Variants in ABI3BP observed in about 807,000 individuals in gnomAD.
ABI3BP encodes ABI family member 3 binding protein.
Under a neutral mutation model 268.6 loss-of-function variants are expected in ABI3BP, and 216 were observed. The ratio of observed to expected loss-of-function variants is 0.80; its 90% CI spans 0.72 to 0.90. The LOEUF is 0.90. Ranked by LOEUF, ABI3BP falls within the 40% of genes least tolerant of loss-of-function variation. ABI3BP has a pLI of 0.00. For synonymous variants in ABI3BP, 730 were observed against 730.0 expected, an observed-to-expected ratio of 1.00 and a Z score of 0.00; for missense variants, 2,090 against 2,182.4, an observed-to-expected ratio of 0.96 and a Z score of 0.84.
chr3:100,983,432 C>T (rs1198862785), intron 1 of ABI3BP, among the ~76,000 whole-genome samples: 1 of 152,198 alleles, frequency 6.6e-6, no homozygotes, highest in Non-Finnish European at 1.5e-5. Flanking sequence ...TGCATATTTA[C>T]TTAACTCCTA....
chr3:100,923,716 A>T (rs775760060), intron 2 of ABI3BP, among the ~76,000 whole-genome samples: 1 of 152,232 alleles, frequency 6.6e-6, no homozygotes, highest in Non-Finnish European at 1.5e-5. Flanking sequence ...ATGGAAAATT[A>T]AAAAGCAGAT....
intron 1 of ABI3BP, among the ~76,000 whole-genome samples, chr3:100,980,241 C>CT (rs1487595362): frequency 4.0e-5 from 6 of 151,718 alleles, no homozygotes; most frequent in East Asian, 1.9e-4. Context: ...TTTCTTTTTT[C>CT]TTTTTTTTGA....
Position 100,852,108 on chromosome 3 carries a change from C to T in ABI3BP, c.1286-168G>A, listed in dbSNP as rs114324803. 3.4e-3 allele frequency among the ~76,000 whole-genome samples: 516 copies of T among 152,250 alleles called. 5 individuals carry two copies. Among genetic ancestry groups the T allele is most frequent in the Middle Eastern group, 6.8e-3 (2 of 294 alleles). ...CAGCCTTGTCACTAACATCTAAGCA[C>T]CGAAACTCGCCTTTGGTCCTTTTTT... On this transcript the variant is annotated intron_variant, in intron 14 of 67. Coordinates refer to ENST00000471714, the MANE Select transcript of ABI3BP (RefSeq NM_001375547.2).
intron 1 of ABI3BP, among the ~76,000 whole-genome samples, chr3:100,950,694 T>C (rs2074561636): frequency 6.6e-6 from 1 of 152,060 alleles, no homozygotes; most frequent in Non-Finnish European, 1.5e-5. Context: ...TCATCTACTC[T>C]CTTTTAAAAA....
In ABI3BP at chr3:100,832,365, T is replaced by C; in HGVS notation, c.2315-15A>G. On this transcript the variant is annotated splice_polypyrimidine_tract_variant and intron_variant, in intron 30 of 67. Coordinates refer to ENST00000471714, the MANE Select transcript of ABI3BP (RefSeq NM_001375547.2). ...TGTTGTTGGAGCTGAAGGAAGAAAA[T>C]TTAGGATTAATATGGTGCTGATGGC... 1.3e-6 allele frequency: 2 copies of C among 1,534,690 alleles called. No individual in the cohort carries two copies. The highest frequency in any genetic ancestry group is 1.7e-6 in the Non-Finnish European group (2 of 1,145,978).
intron 45 of ABI3BP, among the ~76,000 whole-genome samples, chr3:100,813,256 A>C (rs2097909704): frequency 6.6e-6 from 1 of 152,154 alleles, no homozygotes. Context: ...TTTTTACTGA[A>C]GTGAGAAATT....
intron 37 of ABI3BP, among the ~76,000 whole-genome samples, chr3:100,823,177 A>G (rs1469671998): frequency 1.3e-5 from 2 of 152,184 alleles, no homozygotes; most frequent in Non-Finnish European, 2.9e-5. Flanking sequence ...GGAAGGAGTT[A>G]GAAACCCACT....
intron 2 of ABI3BP, chr3:100,911,634 G>T: frequency 1.4e-6 from 1 of 710,004 alleles, no homozygotes; most frequent in South Asian, 1.6e-5. Flanking sequence ...ACCAGTGGAT[G>T]TAGAGGAACC....
chr3:100,909,584 C>A (rs2153546376), intron 2 of ABI3BP, among the ~76,000 whole-genome samples: 1 of 152,126 alleles, frequency 6.6e-6, no homozygotes, highest in East Asian at 1.9e-4. Flanking sequence ...AAAAAACAAA[C>A]ATCCCCATCA....
chr3:100,886,434 T>C (rs1186997196), intron 4 of ABI3BP, 111 bp from the exon 5 acceptor site: 2 of 725,870 alleles, frequency 2.8e-6, no homozygotes, highest in South Asian at 4.1e-5. Flanking sequence ...CTATTTAATA[T>C]TGGCTTCTCT....
intron 1 of ABI3BP, among the ~76,000 whole-genome samples, chr3:100,947,460 A>G (rs1473696813): frequency 1.3e-5 from 2 of 152,192 alleles, no homozygotes; most frequent in East Asian, 1.9e-4. Flanking sequence ...AGGCTGTCTC[A>G]CAACTTTTTA....
chr3:100,805,182 C>G (rs2097668532), intron 50 of ABI3BP, among the ~76,000 whole-genome samples: 2 of 152,032 alleles, frequency 1.3e-5, no homozygotes, highest in Admixed American at 6.6e-5. Flanking sequence ...GAGAGCTTTT[C>G]TTTACTGGAT....
At position 100,795,098 on chromosome 3, in the gene ABI3BP, G is replaced by A. The variant is rs377372104; in HGVS notation, c.3866-95C>T. 9 of 760,404 alleles carry A rather than the reference G, an allele frequency of 1.2e-5. No homozygotes were observed. In the African/African-American group the frequency reaches 1.5e-4, roughly 12 times the overall value. The allele number at this position is 760,404 out of a possible 1,614,324, so 47.1% of individuals were successfully genotyped here. A position where few individuals can be genotyped will look rare whatever the true frequency, so the allele number is the denominator to read the frequency against. ...ACATGAAATTCCTTCATTTGAAGTAGAAAAAGGAAAGAAGAAAGTTAAGTG... is the reference window on the plus strand; with the variant it reads ...ACATGAAATTCCTTCATTTGAAGTAAAAAAAGGAAAGAAGAAAGTTAAGTG... On this transcript the variant is annotated intron_variant, in intron 53 of 67. Transcript: ENST00000471714.
At chr3:100,925,181 C>T (rs951799178) in intron 2 of ABI3BP, among the ~76,000 whole-genome samples, 2 of 152,072 alleles carry the variant, frequency 1.3e-5, no homozygotes, top group African/African-American at 2.4e-5. Context: ...CCAACAGAGA[C>T]GTCTGTATGA....
intron 26 of ABI3BP, 75 bp downstream of exon 26, chr3:100,838,135 G>A: frequency 2.1e-6 from 3 of 1,408,374 alleles, no homozygotes; most frequent in Admixed American, 2.0e-5. Flanking sequence ...TATATGATAT[G>A]ACAGATTGGA....
intron 1 of ABI3BP, among the ~76,000 whole-genome samples, chr3:100,989,216 A>G (rs2092506095): frequency 6.6e-6 from 1 of 152,210 alleles, no homozygotes. Context: ...TGGACTTCCC[A>G]GCTTCCAGAA....
intron 27 of ABI3BP, 32 bp from the exon 28 acceptor site, chr3:100,835,692 A>T (rs1397712464): frequency 1.4e-6 from 2 of 1,478,222 alleles, no homozygotes; most frequent in East Asian, 4.9e-5. Context: ...AACAATGGAG[A>T]TTAAGAAATA....
intron 61 of ABI3BP, among the ~76,000 whole-genome samples, chr3:100,771,588 C>T (rs1487245388): frequency 6.6e-6 from 1 of 151,618 alleles, no homozygotes; most frequent in Admixed American, 6.6e-5. Flanking sequence ...TAAAAAAGAC[C>T]CAAATCAAAT....
intron 24 of ABI3BP, 84 bp downstream of exon 24, chr3:100,839,485 A>G (rs1195069571): frequency 7.4e-7 from 1 of 1,351,226 alleles, no homozygotes; most frequent in Admixed American, 2.0e-5. Flanking sequence ...AGGTGGTGGA[A>G]CTGCAGTCAT....
Sources: allele counts gnomAD v4.1 joint callset (sites outside exome capture counted in the v4.1 genomes callset), GRCh38; gene constraint gnomAD v4.1.1; transcripts MANE v1.5; gene names NCBI Gene and HGNC (gene_info 2026-07-23, HGNC 2026-07-21).